The following CMSS1 variants were observed in gnomAD, a reference collection of about 807,000 sequenced individuals.
The protein encoded by CMSS1 is protein CMSS1.
In CMSS1, 33 loss-of-function variants were observed where a neutral mutation model predicts 43.5. That is an observed-to-expected ratio of 0.76 (90% CI 0.57 to 1.01). CMSS1 has a LOEUF of 1.01. Among genes scored for constraint, CMSS1 ranks in the 50% least tolerant of loss-of-function variants. The pLI, the probability that CMSS1 is intolerant of heterozygous loss-of-function variation, is 0.00. For missense variants in CMSS1, 313 were observed against 326.4 expected (o/e 0.96, Z 0.32); for synonymous variants, 115 against 117.2 (o/e 0.98, Z 0.12).
At chr3:100,113,823 A>T (rs114665438) in intron 1 of CMSS1, among the ~76,000 whole-genome samples, 1,895 of 152,320 alleles carry the variant, frequency 0.012, 23 homozygotes, top group African/African-American at 0.029. Context: ...GTGTATCACT[A>T]TAGTAAAACT....
intron 1 of CMSS1, among the ~76,000 whole-genome samples, chr3:99,961,266 G>A (rs1246951193): frequency 1.3e-5 from 2 of 152,196 alleles, no homozygotes; most frequent in African/African-American, 2.4e-5. Flanking sequence ...GTGTTGGAAT[G>A]CTGGGTTTGT....
chr3:99,830,432 G>A (rs1056674455), intron 1 of CMSS1: 2 of 450,740 alleles, frequency 4.4e-6, no homozygotes, highest in Non-Finnish European at 9.0e-6. Flanking sequence ...TCCCTCCCAC[G>A]TGGAGGAAGG....
At chr3:99,860,167 A>G (rs1464152592) in intron 1 of CMSS1, among the ~76,000 whole-genome samples, 1 of 152,154 alleles carries the variant, frequency 6.6e-6, no homozygotes, top group Non-Finnish European at 1.5e-5. Context: ...TTGGGTTAAT[A>G]CTATTTTCCT....
rs751042879 is a variant in CMSS1 at position 100,135,342 on chromosome 3, G to A, written c.65-11631G>A. Among the ~76,000 whole-genome samples, 39 of 152,132 alleles carry A rather than the reference G, an allele frequency of 2.6e-4. 1 individual carries two copies. The highest frequency in any genetic ancestry group is 3.4e-3 in the Middle Eastern group (1 of 294). On this transcript the variant is annotated intron_variant, in intron 1 of 9. Coordinates refer to ENST00000421999, the MANE Select transcript of CMSS1 (RefSeq NM_032359.4). Reference sequence around the variant, plus strand: ...TTTAAAACAAACTAGAAAGGAAGAAGGATTGGGAGCTTTAACATTGCCTGA... The same window carrying A: ...TTTAAAACAAACTAGAAAGGAAGAAAGATTGGGAGCTTTAACATTGCCTGA...
At chr3:100,016,318 G>A (rs929998156) in intron 1 of CMSS1, among the ~76,000 whole-genome samples, 23 of 152,228 alleles carry the variant, frequency 1.5e-4, no homozygotes, top group Admixed American at 1.2e-3. Context: ...TCAGCCTCCC[G>A]AGTAGGTGGG....
intron 1 of CMSS1, among the ~76,000 whole-genome samples, chr3:99,931,374 G>A (rs930633607): frequency 1.3e-5 from 2 of 151,638 alleles, no homozygotes; most frequent in African/African-American, 2.4e-5. Flanking sequence ...TGCTTAAGAC[G>A]TACTTAACAT....
intron 1 of CMSS1, among the ~76,000 whole-genome samples, chr3:99,938,090 C>CGT (rs1491074221): frequency 2.0e-5 from 3 of 150,332 alleles, no homozygotes; most frequent in Non-Finnish European, 4.4e-5. Flanking sequence ...CGCGCGCGCG[C>CGT]GTGCATGCAC....
chr3:100,040,355 A>T (rs542529657), intron 1 of CMSS1: 1 of 152,230 alleles, frequency 6.6e-6, no homozygotes, highest in Non-Finnish European at 1.5e-5. Context: ...CATAAACAGT[A>T]TATTAAAGTT....
intron 1 of CMSS1, among the ~76,000 whole-genome samples, chr3:100,106,872 T>C (rs1264594863): frequency 1.3e-5 from 2 of 152,146 alleles, no homozygotes; most frequent in Non-Finnish European, 2.9e-5. Flanking sequence ...TTTTTAAAAA[T>C]ATGCAGAAAG....
chr3:99,820,143 G>A (rs944864131), intron 1 of CMSS1, among the ~76,000 whole-genome samples: 1 of 151,858 alleles, frequency 6.6e-6, no homozygotes, highest in African/African-American at 2.4e-5. Flanking sequence ...AAGACAGTGT[G>A]TTGGAGTGCC....
At chr3:99,881,602 G>T (rs1035985738) in intron 1 of CMSS1, among the ~76,000 whole-genome samples, 1 of 151,316 alleles carries the variant, frequency 6.6e-6, no homozygotes, top group East Asian at 1.9e-4. Flanking sequence ...GTGCAAGCTC[G>T]GCTCACTGCA....
chr3:99,934,838 G>A (rs1203923114), intron 1 of CMSS1, among the ~76,000 whole-genome samples: 1 of 152,214 alleles, frequency 6.6e-6, no homozygotes, highest in Admixed American at 6.5e-5. Context: ...TTTTTATACT[G>A]TGTTTGTTAT....
intron 1 of CMSS1, 93 bp downstream of exon 1, chr3:99,818,136 C>A: frequency 8.0e-7 from 1 of 1,252,530 alleles, no homozygotes; most frequent in Non-Finnish European, 1.1e-6. Context: ...GCGGTGTTTG[C>A]CCAGCAGGGG....
chr3:100,132,312 A>ATC (rs774991417), intron 1 of CMSS1, among the ~76,000 whole-genome samples: 16 of 151,932 alleles, frequency 1.1e-4, no homozygotes, highest in Non-Finnish European at 1.9e-4. Context: ...CTGAGGCAGG[A>ATC]GGATAACTTG....
intron 1 of CMSS1, among the ~76,000 whole-genome samples, chr3:100,027,884 G>A (rs1015092808): frequency 5.9e-5 from 9 of 152,150 alleles, no homozygotes; most frequent in Admixed American, 2.0e-4. Flanking sequence ...CTAGAGTTGG[G>A]AGTGAGAGGG....
chr3:100,141,405 T>C (rs141334287), intron 1 of CMSS1: 69 of 325,926 alleles, frequency 2.1e-4, no homozygotes, highest in African/African-American at 1.4e-3. Context: ...CCCTGGGAGA[T>C]ACGTGGCAGG....
chr3:99,887,008 A>C (rs1446903991), intron 1 of CMSS1, among the ~76,000 whole-genome samples: 1 of 150,790 alleles, frequency 6.6e-6, no homozygotes, highest in East Asian at 1.9e-4. Context: ...GTGGTGGCTC[A>C]TGCCTGTAAT....
intron 1 of CMSS1, among the ~76,000 whole-genome samples, chr3:100,028,816 G>GTACT (rs1459880623): frequency 6.6e-6 from 1 of 152,036 alleles, no homozygotes; most frequent in Non-Finnish European, 1.5e-5. Context: ...CACACCAACT[G>GTACT]TACTAGACTC....
chr3:99,879,278 G>T (rs1008248514), intron 1 of CMSS1, among the ~76,000 whole-genome samples: 3 of 152,164 alleles, frequency 2.0e-5, no homozygotes, highest in African/African-American at 7.2e-5. Flanking sequence ...ATACCAACTA[G>T]ATTTAGCCAT....
Sources: allele counts gnomAD v4.1 joint callset (sites outside exome capture counted in the v4.1 genomes callset), GRCh38; gene constraint gnomAD v4.1.1; transcripts MANE v1.5; gene names NCBI Gene and HGNC (gene_info 2026-07-23, HGNC 2026-07-21).